The following HIGD1C variants were observed in gnomAD, a reference collection of about 807,000 sequenced individuals.
HIGD1C encodes HIG1 hypoxia inducible domain family member 1C.
Under a neutral mutation model 13.1 loss-of-function variants are expected in HIGD1C, and 11 were observed. The ratio of observed to expected loss-of-function variants is 0.84; its 90% CI spans 0.53 to 1.39. The LOEUF (loss-of-function observed/expected upper bound fraction) is 1.39, where lower values mean the gene tolerates loss of function less well. HIGD1C is among the 40% of genes most tolerant of loss of function. The probability of loss-of-function intolerance (pLI) is 0.00; values close to 1 mark genes in which losing one functional copy is unlikely to be tolerated. For missense variants in HIGD1C, 110 were observed against 112.0 expected (o/e 0.98, Z 0.08); for synonymous variants, 36 against 37.7 (o/e 0.95, Z 0.17).
chr12:50,971,946 T>C (rs2136108124), downstream of HIGD1C, among the ~76,000 whole-genome samples: 1 of 152,374 alleles, frequency 6.6e-6, no homozygotes, highest in Middle Eastern at 3.4e-3. Flanking sequence ...TTAAAAGTTG[T>C]CAACTGTATC....
chr12:50,949,238 C>T (rs375070461), upstream of HIGD1C: 4 of 154,124 alleles, frequency 2.6e-5, no homozygotes, highest in South Asian at 8.1e-4. Context: ...GGCTGTGTCG[C>T]TTCTCCCCCT....
At chr12:50,958,636 T>C (rs1939205224) in intron 1 of HIGD1C, among the ~76,000 whole-genome samples, 1 of 152,036 alleles carries the variant, frequency 6.6e-6, no homozygotes, top group African/African-American at 2.4e-5. Flanking sequence ...CTGGCTGATA[T>C]TAAGGCTTAC....
chr12:50,955,334 A>G (rs1939053367), intron 1 of HIGD1C, among the ~76,000 whole-genome samples: 1 of 152,180 alleles, frequency 6.6e-6, no homozygotes. Context: ...TTCCCCACAC[A>G]TATTTAGTAT....
At chr12:50,947,228 C>T in the HIGD1C span, among the ~76,000 whole-genome samples, 1 of 152,318 alleles carries the variant, frequency 6.6e-6, no homozygotes, top group East Asian at 1.9e-4. Context: ...TAGTTTCCTA[C>T]TGCTGCTCTA....
the HIGD1C span, among the ~76,000 whole-genome samples, chr12:50,941,969 A>T: frequency 6.6e-6 from 1 of 152,166 alleles, no homozygotes; most frequent in African/African-American, 2.4e-5. Context: ...GCTCACTGCA[A>T]CTACCACCCT....
chr12:50,956,990 AT>A lies in HIGD1C; in HGVS notation c.94+2909del, dbSNP rs71089716. 5.7e-3 allele frequency among the ~76,000 whole-genome samples: 816 copies of A among 143,770 alleles called. 7 individuals carry two copies. The highest frequency in any genetic ancestry group is 9.5e-3 in the Admixed American group (136 of 14,386). 94.3% of individuals were successfully genotyped at this position (143,770 alleles called of 152,430 possible). A position where few individuals can be genotyped will look rare whatever the true frequency, so the allele number is the denominator to read the frequency against. On this transcript the variant is annotated intron_variant, in intron 1 of 2. Coordinates refer to ENST00000398455, the Ensembl canonical transcript of HIGD1C. ...ATATGTCTACCATCATCATTTTGTT[AT>A]TTTTTTTTTTGCTGTTTTTATGTCT...
At chr12:50,964,204 C>T (rs73092531) in intron 2 of HIGD1C, among the ~76,000 whole-genome samples, 25,514 of 152,148 alleles carry the variant, frequency 0.17, 2,550 homozygotes, top group East Asian at 0.5. Context: ...GGAAGAAACA[C>T]TCCTAAATAT....
chr12:50,960,686 A>AT (rs60135812), intron 1 of HIGD1C, among the ~76,000 whole-genome samples: 151 of 147,350 alleles, frequency 1.0e-3, no homozygotes, highest in Admixed American at 1.9e-3. Context: ...TAACCCATAC[A>AT]TTTTTTTTTT....
At chr12:50,965,647 C>T (rs1046405593) in intron 2 of HIGD1C, among the ~76,000 whole-genome samples, 1 of 152,098 alleles carries the variant, frequency 6.6e-6, no homozygotes, top group Non-Finnish European at 1.5e-5. Flanking sequence ...CTCCACAAAC[C>T]CCTACTTTGA....
At chr12:50,948,032 A>G in the HIGD1C span, among the ~76,000 whole-genome samples, 5 of 152,242 alleles carry the variant, frequency 3.3e-5, no homozygotes, top group Non-Finnish European at 7.3e-5. Flanking sequence ...ACAAGGGAAC[A>G]AAATACTGCC....
At chr12:50,967,327 C>T (rs1347323023) in intron 2 of HIGD1C, among the ~76,000 whole-genome samples, 1 of 151,984 alleles carries the variant, frequency 6.6e-6, no homozygotes, top group African/African-American at 2.4e-5. Context: ...AAAATTTTTT[C>T]GTAGAGGTGG....
the HIGD1C span, chr12:50,931,498 G>A: frequency 6.6e-6 from 1 of 150,688 alleles, no homozygotes; most frequent in African/African-American, 2.4e-5. Flanking sequence ...TCACGAGGTA[G>A]GAGTTAAAGA....
intron 2 of HIGD1C, among the ~76,000 whole-genome samples, chr12:50,965,226 ACCTCAG>A (rs778895109): frequency 3.8e-4 from 58 of 151,300 alleles, no homozygotes; most frequent in Non-Finnish European, 7.1e-4. Flanking sequence ...CAATCCACCC[ACCTCAG>A]CCTCTTGAGT....
chr12:50,948,243 T>C, the HIGD1C span, among the ~76,000 whole-genome samples: 3 of 152,246 alleles, frequency 2.0e-5, no homozygotes, highest in East Asian at 5.8e-4. Flanking sequence ...TTTAAAATTA[T>C]GAAACCTAAC....
chr12:50,932,852 C>T, the HIGD1C span, among the ~76,000 whole-genome samples: 7 of 152,182 alleles, frequency 4.6e-5, no homozygotes, highest in Admixed American at 2.0e-4. Context: ...GCAGTGAGGT[C>T]GAATGCACAC....
intron 2 of HIGD1C, among the ~76,000 whole-genome samples, chr12:50,962,981 T>C (rs1019558456): frequency 6.6e-6 from 1 of 152,010 alleles, no homozygotes; most frequent in Non-Finnish European, 1.5e-5. Context: ...TAATGAGGGA[T>C]TTATTACAGG....
intron 2 of HIGD1C, among the ~76,000 whole-genome samples, chr12:50,963,739 T>C (rs966568093): frequency 1.3e-5 from 2 of 152,206 alleles, no homozygotes; most frequent in African/African-American, 4.8e-5. Context: ...GCTGCATCAT[T>C]TCCACCTTCT....
chr12:50,943,474 A>G, the HIGD1C span, among the ~76,000 whole-genome samples: 83,627 of 151,856 alleles, frequency 0.55, 24,353 homozygotes, highest in East Asian at 0.91. Flanking sequence ...ACTTTGGGAG[A>G]CCAAGGCAGG....
Position 50,962,410 on chromosome 12 carries a change from T to TA in HIGD1C, c.229+1316dup, listed in dbSNP as rs554748271. Among the ~76,000 whole-genome samples the TA allele has an allele frequency of 3.9e-3, 569 of 145,450 alleles. 1 individual carries two copies. Among genetic ancestry groups the TA allele is most frequent in the Non-Finnish European group, 6.8e-3 (452 of 66,630 alleles). ...TGGGCAATAAGAGTGAAACTCCATC[T>TA]AAAAAAAAGCCAGGCACGGTGGCTC... On this transcript the variant is annotated intron_variant, in intron 2 of 2. Transcript: ENST00000398455.
Sources: gnomAD v4.1 joint callset for allele counts (sites outside exome capture counted in the v4.1 genomes callset) on GRCh38, gnomAD v4.1.1 for gene constraint, MANE v1.5 for transcripts, NCBI Gene and HGNC (gene_info 2026-07-23, HGNC 2026-07-21) for gene names.